The following GRID2 variants were observed in gnomAD, a reference collection of about 807,000 sequenced individuals.
The protein encoded by GRID2 is glutamate receptor ionotropic, delta-2.
A neutral mutation model predicts 114.8 loss-of-function variants in GRID2; 33 were observed. The observed-to-expected ratio is 0.29, with a 90% CI of 0.22 to 0.38. The LOEUF is 0.38. Ranked by LOEUF, GRID2 falls within the 10% of genes least tolerant of loss-of-function variation. GRID2 has a pLI of 1.00. For missense variants in GRID2, 1,184 were observed against 1,257.7 expected (o/e 0.94, Z 0.89); for synonymous variants, 505 against 449.9 (o/e 1.12, Z -1.55).
At chr4:92,557,959 T>G (rs1436022722) in intron 1 of GRID2, among the ~76,000 whole-genome samples, 8 of 152,136 alleles carry the variant, frequency 5.3e-5, no homozygotes. Flanking sequence ...TAATTTTTAG[T>G]TTTATTTACT....
At chr4:93,547,068 G>C (rs1733292889) in intron 13 of GRID2, among the ~76,000 whole-genome samples, 1 of 152,100 alleles carries the variant, frequency 6.6e-6, no homozygotes, top group African/African-American at 2.4e-5. Context: ...AGCCTACCTA[G>C]CCAAGGCAAC....
At chr4:92,643,538 TA>T (rs1731463390) in intron 2 of GRID2, among the ~76,000 whole-genome samples, 3 of 151,824 alleles carry the variant, frequency 2.0e-5, no homozygotes, top group Admixed American at 2.0e-4. Context: ...TATATACTAA[TA>T]ACATTTAGGC....
intron 1 of GRID2, among the ~76,000 whole-genome samples, chr4:92,436,344 A>G (rs1235153566): frequency 2.0e-5 from 3 of 152,162 alleles, no homozygotes; most frequent in Non-Finnish European, 4.4e-5. Context: ...AAATTTCTCA[A>G]AATACTAAAG....
At chr4:93,715,161 C>T (rs1424104854) in intron 14 of GRID2, among the ~76,000 whole-genome samples, 1 of 152,024 alleles carries the variant, frequency 6.6e-6, no homozygotes, top group African/African-American at 2.4e-5. Flanking sequence ...CTAACCAGTT[C>T]TTCCAGCAGC....
intron 2 of GRID2, among the ~76,000 whole-genome samples, chr4:92,664,688 A>G (rs1732682440): frequency 6.6e-6 from 1 of 151,070 alleles, no homozygotes; most frequent in Non-Finnish European, 1.5e-5. Flanking sequence ...AATACTGTTA[A>G]TTTTTGCTTC....
intron 2 of GRID2, among the ~76,000 whole-genome samples, chr4:92,759,449 T>A (rs964564032): frequency 6.6e-6 from 1 of 152,144 alleles, no homozygotes; most frequent in Non-Finnish European, 1.5e-5. Context: ...GAAAAGGAAC[T>A]TCCCCCCAAT....
At chr4:92,514,514 C>T (rs1165517060) in intron 1 of GRID2, among the ~76,000 whole-genome samples, 1 of 151,748 alleles carries the variant, frequency 6.6e-6, no homozygotes, top group Admixed American at 6.6e-5. Flanking sequence ...CTGTGAAAAT[C>T]TAATGTTACT....
intron 8 of GRID2, among the ~76,000 whole-genome samples, chr4:93,379,433 T>TCTACA (rs1763656499): frequency 6.6e-6 from 1 of 152,074 alleles, no homozygotes. Context: ...CCTTCCATTC[T>TCTACA]CTACACTTGA....
At chr4:93,566,769 AAAAC>A (rs1052160703) in intron 13 of GRID2, among the ~76,000 whole-genome samples, 9 of 152,054 alleles carry the variant, frequency 5.9e-5, no homozygotes, top group East Asian at 3.9e-4. Flanking sequence ...GACTGTCTCA[AAAAC>A]AAACAAACAA....
intron 12 of GRID2, among the ~76,000 whole-genome samples, chr4:93,496,104 A>AT (rs968763156): frequency 3.7e-5 from 5 of 136,098 alleles, no homozygotes; most frequent in Non-Finnish European, 7.8e-5. Context: ...ATTTGAATGC[A>AT]TTTTTTTCCT....
At chr4:93,449,657 A>G (rs1722495388) in intron 10 of GRID2, among the ~76,000 whole-genome samples, 2 of 152,068 alleles carry the variant, frequency 1.3e-5, no homozygotes, top group Admixed American at 6.6e-5. Context: ...GTAGTAAGGA[A>G]TATTTATAGG....
intron 8 of GRID2, among the ~76,000 whole-genome samples, chr4:93,316,366 A>G (rs1324759868): frequency 2.3e-5 from 3 of 129,680 alleles, no homozygotes; most frequent in Non-Finnish European, 3.2e-5. Context: ...GAAGGAAAAG[A>G]AAAAGAAAGA....
chr4:92,309,751 A>G (rs947643193), intron 1 of GRID2, among the ~76,000 whole-genome samples: 2 of 151,776 alleles, frequency 1.3e-5, no homozygotes, highest in Non-Finnish European at 2.9e-5. Flanking sequence ...TAGTGATACA[A>G]TTTTTTTTCT....
chr4:93,184,621 C>T (rs905394168), intron 4 of GRID2, among the ~76,000 whole-genome samples: 3 of 151,886 alleles, frequency 2.0e-5, no homozygotes, highest in African/African-American at 7.3e-5. Context: ...CAGTGGCTCA[C>T]GCCTGTAATC....
At chr4:92,488,825 C>A (rs189815036) in intron 1 of GRID2, among the ~76,000 whole-genome samples, 57 of 152,176 alleles carry the variant, frequency 3.7e-4, no homozygotes, top group Admixed American at 2.3e-3. Flanking sequence ...TAAGAATGAT[C>A]AAAAATAAAG....
chr4:93,471,732 C>CTTTT (rs1231563139), intron 11 of GRID2, among the ~76,000 whole-genome samples: 4 of 24,716 alleles, frequency 1.6e-4, no homozygotes, highest in African/African-American at 7.5e-4. Context: ...GGAGTTTTTG[C>CTTTT]TCTTGTTGCC....
intron 14 of GRID2, among the ~76,000 whole-genome samples, chr4:93,725,792 T>C (rs1331968353): frequency 1.3e-5 from 2 of 152,296 alleles, no homozygotes; most frequent in Non-Finnish European, 2.9e-5. Context: ...TTTTGAGAAG[T>C]GTCTGTTCAT....
chr4:93,136,886 T>C (rs938465873), intron 4 of GRID2, among the ~76,000 whole-genome samples: 9 of 152,186 alleles, frequency 5.9e-5, no homozygotes, highest in African/African-American at 1.7e-4. Flanking sequence ...AGGTAACTTA[T>C]TTCATCTTGT....
chr4:93,435,117 G>T (rs1386024587), intron 10 of GRID2, among the ~76,000 whole-genome samples: 4 of 151,938 alleles, frequency 2.6e-5, no homozygotes, highest in African/African-American at 9.7e-5. Context: ...GTACTGACTT[G>T]TTCATTTGTC....
Sources: allele counts gnomAD v4.1 joint callset (sites outside exome capture counted in the v4.1 genomes callset), GRCh38; gene constraint gnomAD v4.1.1; transcripts MANE v1.5; gene names NCBI Gene and HGNC (gene_info 2026-07-23, HGNC 2026-07-21).